Variants in TTC6 observed in about 807,000 individuals in gnomAD.
TTC6 encodes the protein tetratricopeptide repeat domain 6.
Under a neutral mutation model 210.4 loss-of-function variants are expected in TTC6, and 172 were observed. The observed-to-expected ratio is 0.82, with a 90% confidence interval of 0.72 to 0.93. TTC6 has a LOEUF of 0.93. Ranked by LOEUF, TTC6 falls within the 40% of genes least tolerant of loss-of-function variation. The pLI is 0.00. For missense variants in TTC6, 2,414 were observed against 2,318.1 expected (o/e 1.04, Z -0.85); for synonymous variants, 804 against 819.6 (o/e 0.98, Z 0.32).
intron 6 of TTC6, among the ~76,000 whole-genome samples, chr14:37,718,026 G>A (rs2095855471): frequency 6.6e-6 from 1 of 152,166 alleles, no homozygotes; most frequent in Non-Finnish European, 1.5e-5. Flanking sequence ...CTAGTGCCTC[G>A]ATCTTGGACT....
At chr14:37,630,907 GTTTTTTTTTTTTTTTTTTTTTTTTT>G (rs746429138) in intron 1 of TTC6, among the ~76,000 whole-genome samples, 11 of 33,070 alleles carry the variant, frequency 3.3e-4, no homozygotes, top group Admixed American at 1.3e-3. Context: ...GGCAACCCCT[GTTTTTTTTTTTTTTTTTTTTTTTTT>G]TTTTTTTTTT....
At chr14:37,804,970 C>T (rs1330395003) in intron 21 of TTC6, among the ~76,000 whole-genome samples, 156 bp downstream of exon 23, 1 of 152,156 alleles carries the variant, frequency 6.6e-6, no homozygotes, top group East Asian at 1.9e-4. Flanking sequence ...CCCTGCAACA[C>T]CTAGGACATT....
At chr14:37,741,640 T>C (rs1397331985) in intron 10 of TTC6, among the ~76,000 whole-genome samples, 2 of 152,172 alleles carry the variant, frequency 1.3e-5, no homozygotes, top group African/African-American at 4.8e-5. Context: ...TCTTACCATT[T>C]TATGTCCAAC....
intron 14 of TTC6, among the ~76,000 whole-genome samples, chr14:37,763,816 T>A (rs1414434211): frequency 6.6e-6 from 1 of 151,794 alleles, no homozygotes; most frequent in East Asian, 1.9e-4. Context: ...TGCTCTAATC[T>A]TTATTATTTC....
intron 1 of TTC6, among the ~76,000 whole-genome samples, chr14:37,673,409 T>C (rs2095762349): frequency 6.6e-6 from 1 of 152,202 alleles, no homozygotes; most frequent in Admixed American, 6.6e-5. Context: ...CAGTAAGTTA[T>C]CTAAAGGCAG....
At chr14:37,664,476 C>T (rs1477412575) in intron 1 of TTC6, among the ~76,000 whole-genome samples, 1 of 150,506 alleles carries the variant, frequency 6.6e-6, no homozygotes, top group Non-Finnish European at 1.5e-5. Flanking sequence ...TGGACCCTTT[C>T]CTCACACCAT....
At position 37,738,776 on chromosome 14, in the gene TTC6, C is replaced by T. The variant is rs1444852286; in HGVS notation, c.1984C>T (p.Arg662Ter). ...TCTACCTCTTTGCTTGCTTACTAAGCGAGTAAAATCTTCTGTAGACTTGAG... is the reference window on the plus strand; with the variant it reads ...TCTACCTCTTTGCTTGCTTACTAAGTGAGTAAAATCTTCTGTAGACTTGAG... The change falls in exon 10 of 31, where the codon CGA (arginine) becomes TGA (stop). Residue 662 changes from arginine (R) to a stop codon, truncating the protein, a stop_gained and splice_region_variant. Coordinates refer to ENST00000553443, the Ensembl canonical transcript of TTC6. LOFTEE classifies it high-confidence loss of function. The T allele has an allele frequency of 2.6e-5, 38 of 1,463,004 alleles. No homozygotes were observed. The highest frequency in any genetic ancestry group is 7.6e-5 in the East Asian group (3 of 39,722). The allele number at this position is 1,463,004 out of a possible 1,614,324, so 90.6% of individuals were successfully genotyped here.
At position 37,838,093 on chromosome 14, in the gene TTC6, G is replaced by A. The variant is rs563815443; in HGVS notation, c.5299-3352G>A. 5.3e-5 allele frequency among the ~76,000 whole-genome samples: 8 copies of A among 152,268 alleles called. No individual in the cohort carries two copies. The South Asian group carries it at 1.2e-3, about 24-fold the overall frequency. On this transcript the variant is annotated intron_variant, in intron 29 of 30. Transcript: ENST00000553443. ...AAAAGTTGAGTGTTAAGTAATTGGC[G>A]AGTGGCAAGCTGTACTGTGAAAAGT...
At position 37,818,636 on chromosome 14, in the gene TTC6, T is replaced by C. The variant is rs532627318; in HGVS notation, c.4763+985T>C. Among the ~76,000 whole-genome samples the C allele has an allele frequency of 3.9e-5, 6 of 152,272 alleles. No individual in the cohort carries two copies. In the South Asian group the frequency reaches 1.2e-3, roughly 32 times the overall value. ...GGACATATATAGTACAGCTACATTCTCCTATGAAAGTTTTTTTTTTAATTT... is the reference window on the plus strand; with the variant it reads ...GGACATATATAGTACAGCTACATTCCCCTATGAAAGTTTTTTTTTTAATTT... On this transcript the variant is annotated intron_variant, in intron 26 of 30. Coordinates refer to ENST00000553443, the Ensembl canonical transcript of TTC6.
intron 14 of TTC6, among the ~76,000 whole-genome samples, chr14:37,758,207 A>G (rs1432332672): frequency 1.3e-5 from 2 of 152,338 alleles, no homozygotes; most frequent in African/African-American, 4.8e-5. Flanking sequence ...CACTTGGCCC[A>G]GAGCTGAGTT....
chr14:37,598,960 GTCC>G lies in TTC6; in HGVS notation c.-235+2957_-235+2959del, dbSNP rs1250034858. Among the ~76,000 whole-genome samples the G allele has an allele frequency of 1.4e-5, 2 of 141,762 alleles. No homozygotes were observed. Among genetic ancestry groups the G allele is most frequent in the South Asian group, 2.2e-4 (1 of 4,562 alleles). The allele number at this position is 141,762 out of a possible 152,430, so 93.0% of individuals were successfully genotyped here. Reference sequence around the variant, plus strand: ...CCCCCCACCCAGATAAGAAGCTTAAGTCCTCCTTCTGCAGGGGAGAATCGGATG... The same window carrying G: ...CCCCCCACCCAGATAAGAAGCTTAAGTCCTTCTGCAGGGGAGAATCGGATG... On this transcript the variant is annotated intron_variant, in intron 1 of 2. Transcript: ENST00000556845. The surrounding 1 kb of genome is among the most constrained non-coding windows in gnomAD (Gnocchi z 4.9).
rs1327720825 is a variant in TTC6 at position 37,738,629 on chromosome 14, G to C, written c.1984-147G>C. On this transcript the variant is annotated intron_variant, in intron 9 of 30. Coordinates refer to ENST00000553443, the Ensembl canonical transcript of TTC6. ...CTATTAACTTTATCAGCTGACTTTT[G>C]AATAATTTTAAGAATACTGATTTTT... The C allele has an allele frequency of 5.6e-6, 4 of 712,194 alleles. No individual in the cohort carries two copies. In the African/African-American group the frequency reaches 7.3e-5, roughly 13 times the overall value. 44.1% of individuals were successfully genotyped at this position (712,194 alleles called of 1,614,324 possible).
At chr14:37,766,972 C>A (rs1269211885) in intron 14 of TTC6, among the ~76,000 whole-genome samples, 2 of 152,040 alleles carry the variant, frequency 1.3e-5, no homozygotes, top group African/African-American at 4.8e-5. Context: ...CCACAGCAGT[C>A]CCCAGTGTGA....
At chr14:37,728,660 T>C (rs966916) in intron 7 of TTC6, among the ~76,000 whole-genome samples, 83,371 of 151,930 alleles carry the variant, frequency 0.55, 23,655 homozygotes, top group African/African-American at 0.69. Flanking sequence ...TTAGAGGTGC[T>C]ATATAAGTAA....
At chr14:37,638,915 C>G (rs1041691190) in intron 1 of TTC6, among the ~76,000 whole-genome samples, 1 of 152,094 alleles carries the variant, frequency 6.6e-6, no homozygotes, top group Non-Finnish European at 1.5e-5. Flanking sequence ...TCTCTTTAAA[C>G]CCCCAACTCC....
intron 26 of TTC6, among the ~76,000 whole-genome samples, chr14:37,821,897 T>C (rs1320501713): frequency 1.3e-5 from 2 of 151,182 alleles, no homozygotes; most frequent in Non-Finnish European, 2.9e-5. Context: ...TCTCCTGTCT[T>C]AGCCTCCCGA....
At chr14:37,738,675 C>A in intron 9 of TTC6, 101 bp from the exon 12 acceptor site, 2 of 1,015,530 alleles carry the variant, frequency 2.0e-6, no homozygotes, top group South Asian at 2.5e-5. Context: ...ATTAAGTGAC[C>A]AAACCACATT....
chr14:37,617,024 G>A (rs1055751972), intron 2 of TTC6, among the ~76,000 whole-genome samples: 1 of 151,986 alleles, frequency 6.6e-6, no homozygotes, highest in Non-Finnish European at 1.5e-5. Flanking sequence ...CCAGAGGCAT[G>A]TACCAACATG....
intron 3 of TTC6, among the ~76,000 whole-genome samples, chr14:37,686,823 A>G (rs532675592): frequency 6.6e-6 from 1 of 152,322 alleles, no homozygotes; most frequent in African/African-American, 2.4e-5. Context: ...CTCTCACACA[A>G]CATGAGGGAA....
Sources: allele counts gnomAD v4.1 joint callset (sites outside exome capture counted in the v4.1 genomes callset), GRCh38; gene constraint gnomAD v4.1.1; non-coding constraint Gnocchi (gnomAD v3.1); transcripts MANE v1.5; gene names NCBI Gene and HGNC (gene_info 2026-07-23, HGNC 2026-07-21).